The following ABI1 variants were observed in gnomAD, a reference collection of about 807,000 sequenced individuals.
ABI1 encodes the protein abl interactor 1, also known as Abelson interactor 1.
Under a neutral mutation model 54.6 loss-of-function variants are expected in ABI1, and 14 were observed. The observed-to-expected ratio is 0.26, with a 90% confidence interval of 0.17 to 0.40. ABI1 has a LOEUF of 0.40. Among genes scored for constraint, ABI1 ranks in the 10% least tolerant of loss-of-function variants. ABI1 has a pLI of 1.00. For synonymous variants in ABI1, 194 were observed against 209.3 expected, an observed-to-expected ratio of 0.93 and a Z score of 0.63; for missense variants, 443 against 598.3, an observed-to-expected ratio of 0.74 and a Z score of 2.71.
chr10:26,770,273 G>T lies in ABI1; in HGVS notation c.550C>A (p.Pro184Thr), dbSNP rs199855311. Residue 184 changes from proline (P) to threonine (T), a missense_variant, in exon 5 of 11, where the codon CCT becomes ACT. Physicochemically the swap from Pro to Thr is conservative, Grantham distance 38 (BLOSUM62 -1). Coordinates refer to ENST00000376140, the MANE Select transcript of ABI1 (RefSeq NM_001012750.3). ...AGTGTTCCCCGGCCTGACATGGGAGGACTTGGCGGTTTCTGAGTAGGAGGA... is the reference window on the plus strand; with the variant it reads ...AGTGTTCCCCGGCCTGACATGGGAGTACTTGGCGGTTTCTGAGTAGGAGGA... ...TNPPTQKPPS[P>T]PMSGRGTLGR... 37 of 1,614,074 alleles carry T rather than the reference G, an allele frequency of 2.3e-5. No homozygotes were observed. Among genetic ancestry groups the T allele is most frequent in the Non-Finnish European group, 3.0e-5 (35 of 1,179,930 alleles).
Position 26,778,555 on chromosome 10 carries a change from T to G in ABI1, c.286-1314A>C, listed in dbSNP as rs942559061. On this transcript the variant is annotated intron_variant, in intron 2 of 10. Coordinates refer to ENST00000376140, the MANE Select transcript of ABI1 (RefSeq NM_001012750.3). ...AGAACAGCTCAATGTTACGCTTGAA[T>G]CAGATCTATTATGATTCTATCTTAT... is the stretch of plus-strand genomic sequence containing the variant. Among the ~76,000 whole-genome samples, 7 of 151,060 alleles carry G rather than the reference T, an allele frequency of 4.6e-5. No homozygotes were observed. In the South Asian group the frequency reaches 1.5e-3, roughly 32 times the overall value.
intron 2 of ABI1, among the ~76,000 whole-genome samples, chr10:26,805,343 C>G (rs945490901): frequency 6.7e-6 from 1 of 149,812 alleles, no homozygotes; most frequent in Admixed American, 6.7e-5. Context: ...ACCAAAAGAA[C>G]ATGAAATTTG....
intron 1 of ABI1, among the ~76,000 whole-genome samples, chr10:26,853,591 G>A (rs2050584677): frequency 6.7e-6 from 1 of 148,528 alleles, no homozygotes; most frequent in African/African-American, 2.5e-5. Flanking sequence ...CCAGGCTGGA[G>A]TTCAGTGGCA....
rs189212687 is a variant in ABI1, at chr10:26,759,321, G to A, written c.821-83C>T. ...AGATGGCAGAACAAAGCAGGAGGGG[G>A]CCTCAGTAAGAAATATTTATTACTT... On this transcript the variant is annotated intron_variant, in intron 7 of 10. Coordinates refer to ENST00000376140, the MANE Select transcript of ABI1 (RefSeq NM_001012750.3). 3.4e-5 allele frequency: 38 copies of A among 1,131,742 alleles called. No homozygotes were observed. In the East Asian group the frequency reaches 7.5e-4, roughly 22 times the overall value. The allele number at this position is 1,131,742 out of a possible 1,614,324, so 70.1% of individuals were successfully genotyped here. A position where few individuals can be genotyped will look rare whatever the true frequency, so the allele number is the denominator to read the frequency against.
At chr10:26,776,407 A>G in intron 3 of ABI1, among the ~76,000 whole-genome samples, 1 of 152,240 alleles carries the variant, frequency 6.6e-6, no homozygotes, top group South Asian at 2.1e-4. Context: ...TCAAAGGAAT[A>G]GTTTATCCTG....
chr10:26,841,656 AT>A (rs1211666477), intron 1 of ABI1, among the ~76,000 whole-genome samples: 1 of 143,174 alleles, frequency 7.0e-6, no homozygotes, highest in Non-Finnish European at 1.5e-5. Context: ...CTTTTTTTTT[AT>A]TTTTTTTAAG....
chr10:26,761,453 G>A (rs892584262), intron 7 of ABI1, among the ~76,000 whole-genome samples: 15 of 150,460 alleles, frequency 1.0e-4, no homozygotes, highest in African/African-American at 3.7e-4. Flanking sequence ...TTATACATGT[G>A]AATTATACAC....
In ABI1 at chr10:26,842,161, T is replaced by C. The variant is rs576726384; in HGVS notation, c.117+18586A>G. 2.0e-5 allele frequency among the ~76,000 whole-genome samples: 3 copies of C among 152,358 alleles called. No homozygotes were observed. In the South Asian group the frequency reaches 6.2e-4, roughly 32 times the overall value. ...GAGGTGACGCCCACAGTGGTTTTGA[T>C]CTGCATTTCTGCATGGCTAATGCTG... On this transcript the variant is annotated intron_variant, in intron 1 of 10. Transcript: ENST00000376140.
chr10:26,819,752 A>G (rs906179103), intron 2 of ABI1, among the ~76,000 whole-genome samples: 8 of 152,242 alleles, frequency 5.3e-5, no homozygotes, highest in African/African-American at 1.9e-4. Context: ...CACAGCATCA[A>G]TCTAGGTGTC....
In ABI1 at chr10:26,747,267, C is replaced by T; in HGVS notation, c.*1303G>A. Reference sequence around the variant, plus strand: ...ATCCTAAGCAATAGAGAATTATACACAAGACAAGAAGAGAAAACATCCCTC... The same window carrying T: ...ATCCTAAGCAATAGAGAATTATACATAAGACAAGAAGAGAAAACATCCCTC... On this transcript the variant is annotated 3_prime_UTR_variant, in exon 11 of 11. Transcript: ENST00000376140. 4.4e-6 allele frequency: 1 copy of T among 224,808 alleles called. No individual in the cohort carries two copies. Among genetic ancestry groups the T allele is most frequent in the East Asian group, 6.4e-5 (1 of 15,556 alleles). The allele number at this position is 224,808 out of a possible 1,614,324, so 13.9% of individuals were successfully genotyped here.
chr10:26,764,677 G>T (rs549338698), intron 7 of ABI1, among the ~76,000 whole-genome samples: 1 of 151,992 alleles, frequency 6.6e-6, no homozygotes, highest in Admixed American at 6.6e-5. Flanking sequence ...ATATTTCAGG[G>T]AAAAAAATAG....
intron 1 of ABI1, among the ~76,000 whole-genome samples, chr10:26,858,922 G>C (rs2051076660): frequency 6.6e-6 from 1 of 152,156 alleles, no homozygotes. Context: ...GACTTCTACA[G>C]AGAACACATA....
At chr10:26,837,313 G>A (rs2049148702) in intron 1 of ABI1, among the ~76,000 whole-genome samples, 1 of 152,160 alleles carries the variant, frequency 6.6e-6, no homozygotes. Flanking sequence ...ACATGGCAGA[G>A]AGAGACCAAT....
chr10:26,751,924 T>C, intron 9 of ABI1, 141 bp from the exon 10 acceptor site: 5 of 796,760 alleles, frequency 6.3e-6, no homozygotes, highest in Non-Finnish European at 9.4e-6. Flanking sequence ...AAAAGCTTGG[T>C]GTGTTAAAGT....
intron 1 of ABI1, among the ~76,000 whole-genome samples, chr10:26,858,537 GA>G (rs60132421): frequency 0.068 from 6,309 of 93,400 alleles, 89 homozygotes; most frequent in Non-Finnish European, 0.073. Flanking sequence ...CACAAAAAAA[GA>G]AAAAAAAAAA....
At chr10:26,815,764 AG>A (rs1204641123) in intron 2 of ABI1, among the ~76,000 whole-genome samples, 1 of 152,128 alleles carries the variant, frequency 6.6e-6, no homozygotes, top group Non-Finnish European at 1.5e-5. Context: ...CAAAAAAATT[AG>A]CTGGGTATGG....
chr10:26,841,771 G>A (rs2049530630), intron 1 of ABI1, among the ~76,000 whole-genome samples: 1 of 151,994 alleles, frequency 6.6e-6, no homozygotes, highest in South Asian at 2.1e-4. Context: ...GGCAGTATCT[G>A]CATTTTAAGG....
In ABI1 at chr10:26,770,217, C is replaced by A. The variant is rs1244828387; in HGVS notation, c.578+28G>T. 4 of 1,587,912 alleles carry A rather than the reference C, an allele frequency of 2.5e-6. No individual in the cohort carries two copies. In the East Asian group the frequency reaches 8.9e-5, roughly 35 times the overall value. ...CATCTTTTCCTTTAGCATATGAATTCTTTTGCAAAATGTAGTTGAATTCTT... is the reference window on the plus strand; with the variant it reads ...CATCTTTTCCTTTAGCATATGAATTATTTTGCAAAATGTAGTTGAATTCTT... On this transcript the variant is annotated intron_variant, in intron 5 of 10. Transcript: ENST00000376140.
chr10:26,842,804 T>C (rs1000689987), intron 1 of ABI1, among the ~76,000 whole-genome samples: 2 of 152,124 alleles, frequency 1.3e-5, no homozygotes, highest in East Asian at 1.9e-4. Flanking sequence ...CCCAGCACTT[T>C]AGGAGGCCGA....
Sources: gnomAD v4.1 joint callset for allele counts (sites outside exome capture counted in the v4.1 genomes callset) on GRCh38, gnomAD v4.1.1 for gene constraint, MANE v1.5 for transcripts, NCBI Gene and HGNC (gene_info 2026-07-23, HGNC 2026-07-21) for gene names.